Variants in GXYLT1 observed in about 807,000 individuals in gnomAD.
The protein encoded by GXYLT1 is glycosyltransferase 8 domain containing 3.
A neutral mutation model predicts 54.0 loss-of-function variants in GXYLT1; 29 were observed. That is an observed-to-expected ratio of 0.54 (90% CI 0.40 to 0.73). GXYLT1 has a LOEUF of 0.73. Among genes scored for constraint, GXYLT1 ranks in the 30% least tolerant of loss-of-function variants. GXYLT1 has a pLI of 0.00. For missense variants in GXYLT1, 490 were observed against 553.4 expected (o/e 0.89, Z 1.15); for synonymous variants, 176 against 204.1 (o/e 0.86, Z 1.17).
Position 42,082,133 on chromosome 12 carries a change from G to A in GXYLT1, c.*5653C>T, listed in dbSNP as rs1795177826. The A allele has an allele frequency of 6.6e-6, 1 of 152,168 alleles. No homozygotes were observed. The highest frequency in any genetic ancestry group is 6.5e-5 in the Admixed American group (1 of 15,274). 9.4% of individuals were successfully genotyped at this position (152,168 alleles called of 1,614,324 possible). On this transcript the variant is annotated 3_prime_UTR_variant, in exon 8 of 8. Transcript: ENST00000398675. The stretch of plus-strand genomic sequence containing the variant: ...CAGTATACAATGATGCCTTCCTGCA[G>A]GTTTAGAACTATTACTACTCAAAAT...
At chr12:42,138,376 T>G (rs1365403269) in intron 1 of GXYLT1, among the ~76,000 whole-genome samples, 1 of 152,258 alleles carries the variant, frequency 6.6e-6, no homozygotes, top group Non-Finnish European at 1.5e-5. Flanking sequence ...CTTAAATTTC[T>G]AATTTCATTA....
intron 7 of GXYLT1, among the ~76,000 whole-genome samples, chr12:42,095,785 C>T (rs1466534034): frequency 2.6e-5 from 4 of 152,044 alleles, no homozygotes; most frequent in Non-Finnish European, 5.9e-5. Context: ...CATACGGAAA[C>T]GAATGAATCC....
intron 2 of GXYLT1, 99 bp from the exon 3 acceptor site, chr12:42,119,270 G>C (rs1254328210): frequency 6.2e-6 from 6 of 967,618 alleles, no homozygotes; most frequent in Non-Finnish European, 9.5e-6. Context: ...GCCAGATGTT[G>C]TGACTCATGC....
At chr12:42,109,476 T>A in intron 4 of GXYLT1, 90 bp downstream of exon 4, 1 of 834,888 alleles carries the variant, frequency 1.2e-6, no homozygotes. Context: ...TAACTGGAAT[T>A]ATATGTAACT....
chr12:42,127,276 G>C (rs376926919), intron 2 of GXYLT1, among the ~76,000 whole-genome samples: 3 of 152,224 alleles, frequency 2.0e-5, no homozygotes, highest in Admixed American at 2.0e-4. Context: ...GTGATTAAAT[G>C]TGAGGGAATC....
chr12:42,124,337 ATT>A (rs2065548280), intron 2 of GXYLT1, among the ~76,000 whole-genome samples: 1 of 152,084 alleles, frequency 6.6e-6, no homozygotes, highest in Non-Finnish European at 1.5e-5. Flanking sequence ...TATTTCTGAT[ATT>A]TTGATAATTC....
chr12:42,131,605 A>G (rs138428796), intron 1 of GXYLT1, among the ~76,000 whole-genome samples: 1 of 152,380 alleles, frequency 6.6e-6, no homozygotes, highest in Non-Finnish European at 1.5e-5. Flanking sequence ...ACATTCTAGC[A>G]TAGCACAAAA....
chr12:42,137,762 G>GGAAA lies in GXYLT1; in HGVS notation c.221+6663_221+6664insTTTC, dbSNP rs373214719. ...ACAGAGCGAGACTCCATCTCAAATT[G>GGAAA]AAAAAAAAAAAAAAAAGTCAGTGAT... On this transcript the variant is annotated intron_variant, in intron 1 of 7. Transcript: ENST00000398675. Among the ~76,000 whole-genome samples the GGAAA allele has an allele frequency of 1.9e-5, 2 of 107,178 alleles. 1 individual carries two copies. The highest frequency in any genetic ancestry group is 3.5e-5 in the Non-Finnish European group (2 of 57,474). The allele number at this position is 107,178 out of a possible 152,430, so 70.3% of individuals were successfully genotyped here. A position where few individuals can be genotyped will look rare whatever the true frequency, so the allele number is the denominator to read the frequency against.
intron 3 of GXYLT1, among the ~76,000 whole-genome samples, chr12:42,113,194 C>T (rs563716332): frequency 6.6e-6 from 1 of 151,130 alleles, no homozygotes; most frequent in South Asian, 2.1e-4. Flanking sequence ...AATGTAAAGA[C>T]CATCAAAGCT....
chr12:42,116,010 A>T (rs2065492306), intron 3 of GXYLT1, among the ~76,000 whole-genome samples: 2 of 151,818 alleles, frequency 1.3e-5, no homozygotes, highest in Non-Finnish European at 2.9e-5. Context: ...GAGAAACCTG[A>T]CAAAAACAAG....
At chr12:42,109,100 G>C (rs1045259880) in intron 4 of GXYLT1, among the ~76,000 whole-genome samples, 1 of 152,150 alleles carries the variant, frequency 6.6e-6, no homozygotes, top group Non-Finnish European at 1.5e-5. Flanking sequence ...CCTTAAATTT[G>C]TTTCTGTTTA....
intron 1 of GXYLT1, among the ~76,000 whole-genome samples, chr12:42,135,093 G>T (rs542259433): frequency 6.6e-6 from 1 of 152,188 alleles, no homozygotes; most frequent in African/African-American, 2.4e-5. Context: ...CCTTATTCAA[G>T]TGACTTGCTT....
rs34135942 is a variant in GXYLT1, at chr12:42,101,575, C to CT, written c.865-3543dup. On this transcript the variant is annotated intron_variant, in intron 5 of 7. Coordinates refer to ENST00000398675, the MANE Select transcript of GXYLT1 (RefSeq NM_173601.2). ...GCACACCTATGCTTGTTTCAAAATA[C>CT]TTTTTTTTTTTTTTGAGACAGAGTC... Among the ~76,000 whole-genome samples the CT allele has an allele frequency of 3.0e-3, 433 of 145,578 alleles. 1 individual carries two copies. Among genetic ancestry groups the CT allele is most frequent in the African/African-American group, 7.0e-3 (279 of 39,788 alleles).
rs2065673422 is a variant in GXYLT1, at chr12:42,144,809, T to C, written c.-163A>G. 2.4e-6 allele frequency: 1 copy of C among 423,480 alleles called. No individual in the cohort carries two copies. Among genetic ancestry groups the C allele is most frequent in the Non-Finnish European group, 3.9e-6 (1 of 254,034 alleles). 26.2% of individuals were successfully genotyped at this position (423,480 alleles called of 1,614,324 possible). ...CTTCCTTCCCTCCCCGCCCACCACC[T>C]AGGCGAGCGCAGTCGCGGCTCCGGA... On this transcript the variant is annotated 5_prime_UTR_variant, in exon 1 of 8. Transcript: ENST00000398675.
chr12:42,097,789 T>G lies in GXYLT1; in HGVS notation c.988+121A>C, dbSNP rs540787931. ...AATTCAAGAAAAGTTTTACTCCGTC[T>G]TAAACATAAATAGCAATAATCATTA... On this transcript the variant is annotated intron_variant, in intron 6 of 7. Transcript: ENST00000398675. The G allele has an allele frequency of 3.1e-5, 32 of 1,021,468 alleles. No homozygotes were observed. The African/African-American group carries it at 4.7e-4, about 15-fold the overall frequency. The allele number at this position is 1,021,468 out of a possible 1,614,324, so 63.3% of individuals were successfully genotyped here.
chr12:42,108,830 C>T (rs2065435619), intron 4 of GXYLT1, among the ~76,000 whole-genome samples: 1 of 152,076 alleles, frequency 6.6e-6, no homozygotes. Flanking sequence ...ACCTTGTGTG[C>T]TTCTTAAATT....
intron 5 of GXYLT1, among the ~76,000 whole-genome samples, chr12:42,105,281 C>G (rs1363067006): frequency 6.6e-6 from 1 of 152,184 alleles, no homozygotes; most frequent in Admixed American, 6.5e-5. Context: ...TGGAAACACG[C>G]AGGAATTTTT....
At chr12:42,144,377 C>T in intron 1 of GXYLT1, 49 bp downstream of exon 1, 1 of 1,267,726 alleles carries the variant, frequency 7.9e-7, no homozygotes, top group East Asian at 3.7e-5. Flanking sequence ...CGAGCCCGCG[C>T]CCAGCGCCCC....
rs1555139396 is a variant in GXYLT1 at position 42,098,782 on chromosome 12, T to TAA, written c.865-750_865-749insTT. Among the ~76,000 whole-genome samples the TAA allele has an allele frequency of 2.7e-3, 369 of 138,240 alleles. 8 individuals carry two copies. Among genetic ancestry groups the TAA allele is most frequent in the African/African-American group, 8.9e-3 (326 of 36,676 alleles). 90.7% of individuals were successfully genotyped at this position (138,240 alleles called of 152,430 possible). On this transcript the variant is annotated intron_variant, in intron 5 of 7. Transcript: ENST00000398675. Reference sequence around the variant, plus strand: ...AAACATATATATATATATATATATATATAATACATGTGTGTGTATATATAC... The same window carrying TAA: ...AAACATATATATATATATATATATATAAATAATACATGTGTGTGTATATATAC...
Sources: gnomAD v4.1 joint callset for allele counts (sites outside exome capture counted in the v4.1 genomes callset) on GRCh38, gnomAD v4.1.1 for gene constraint, MANE v1.5 for transcripts, NCBI Gene and HGNC (gene_info 2026-07-23, HGNC 2026-07-21) for gene names.